The following SCFD2 variants were observed in gnomAD, a reference collection of about 807,000 sequenced individuals.
SCFD2 encodes sec1 family domain containing 2, also known as sec1 family domain-containing protein 2.
A neutral mutation model predicts 58.9 loss-of-function variants in SCFD2; 54 were observed. The ratio of observed to expected loss-of-function variants is 0.92; its 90% CI spans 0.74 to 1.15. The LOEUF (loss-of-function observed/expected upper bound fraction) is 1.15, where lower values mean the gene tolerates loss of function less well. Ranked by LOEUF, SCFD2 falls within the 50% of genes most tolerant of loss-of-function variation. SCFD2 has a pLI of 0.00. For missense variants in SCFD2, 805 were observed against 836.6 expected (o/e 0.96, Z 0.47); for synonymous variants, 321 against 335.9 (o/e 0.96, Z 0.49).
intron 4 of SCFD2, among the ~76,000 whole-genome samples, chr4:53,214,196 G>A (rs1288516098): frequency 1.3e-5 from 2 of 152,090 alleles, no homozygotes; most frequent in African/African-American, 4.8e-5. Context: ...AGGTCAAATG[G>A]TATTTCTAGT....
chr4:52,982,372 T>G (rs1169224698), intron 5 of SCFD2, among the ~76,000 whole-genome samples: 1 of 152,198 alleles, frequency 6.6e-6, no homozygotes, highest in African/African-American at 2.4e-5. Context: ...TTGATGCAGA[T>G]GTCTTGAATG....
intron 5 of SCFD2, among the ~76,000 whole-genome samples, chr4:53,052,633 A>G (rs1418622064): frequency 6.6e-6 from 1 of 152,228 alleles, no homozygotes; most frequent in African/African-American, 2.4e-5. Context: ...GCAGTCTTCA[A>G]CTTAAACCCC....
chr4:53,137,847 T>G (rs1268539796), intron 5 of SCFD2, among the ~76,000 whole-genome samples: 2 of 152,242 alleles, frequency 1.3e-5, no homozygotes, highest in African/African-American at 2.4e-5. Flanking sequence ...GTTTCCTGAT[T>G]CAGAGCCATC....
chr4:53,311,365 A>C (rs978293693), intron 3 of SCFD2, among the ~76,000 whole-genome samples: 1 of 152,004 alleles, frequency 6.6e-6, no homozygotes, highest in Non-Finnish European at 1.5e-5. Flanking sequence ...TTCTATCTTA[A>C]AAAAAATTTT....
At chr4:53,026,315 G>C (rs1722473216) in intron 5 of SCFD2, among the ~76,000 whole-genome samples, 1 of 152,154 alleles carries the variant, frequency 6.6e-6, no homozygotes, top group Admixed American at 6.5e-5. Flanking sequence ...GCTAATTAGA[G>C]GCATAACTTA....
At chr4:52,929,974 T>C (rs983866994) in intron 5 of SCFD2, among the ~76,000 whole-genome samples, 1 of 152,108 alleles carries the variant, frequency 6.6e-6, no homozygotes, top group Non-Finnish European at 1.5e-5. Flanking sequence ...TAAACCACCA[T>C]TGACATTCTT....
At chr4:53,229,627 G>A (rs28822987) in intron 4 of SCFD2, among the ~76,000 whole-genome samples, 41,685 of 152,006 alleles carry the variant, frequency 0.27, 6,303 homozygotes, top group Non-Finnish European at 0.35. Flanking sequence ...AATTCAAGAT[G>A]GATTAAAGAC....
chr4:52,966,728 A>C (rs1262892990), intron 5 of SCFD2, among the ~76,000 whole-genome samples: 1 of 152,234 alleles, frequency 6.6e-6, no homozygotes, highest in Non-Finnish European at 1.5e-5. Context: ...TCGACATCTT[A>C]CATAAGTCTG....
chr4:53,335,562 C>T (rs916253381), intron 2 of SCFD2, among the ~76,000 whole-genome samples: 2 of 152,070 alleles, frequency 1.3e-5, no homozygotes, highest in African/African-American at 4.8e-5. Context: ...TTTATTATGA[C>T]TATGTTGGAA....
chr4:52,891,347 T>C (rs1055386710), intron 7 of SCFD2, among the ~76,000 whole-genome samples: 1 of 151,986 alleles, frequency 6.6e-6, no homozygotes, highest in Non-Finnish European at 1.5e-5. Flanking sequence ...ATAAAATCAG[T>C]AAGTCAGTGG....
At chr4:53,032,794 A>T (rs1722646805) in intron 5 of SCFD2, among the ~76,000 whole-genome samples, 1 of 152,158 alleles carries the variant, frequency 6.6e-6, no homozygotes, top group African/African-American at 2.4e-5. Context: ...TATGCACCCA[A>T]TACACAAGCA....
chr4:53,240,167 C>T (rs1386962156), intron 4 of SCFD2, among the ~76,000 whole-genome samples: 1 of 152,136 alleles, frequency 6.6e-6, no homozygotes, highest in Non-Finnish European at 1.5e-5. Context: ...ACAGCAGAAC[C>T]AGAAAGATAT....
In SCFD2 at chr4:53,273,993, T is replaced by C. The variant is rs1371072461; in HGVS notation, c.1144A>G (p.Thr382Ala). ...ATATAGGACATGAGCTGTCCCGGTG[T>C]GACTCTCCCTGGAAACATAAGAATT... ...LPIKMSMGRV[T>A]PGQLMSYIQL... The change falls in exon 4 of 9, where the codon ACA becomes GCA. Residue 382 changes from threonine (T) to alanine (A), a missense_variant. By Grantham distance (58) the Thr-to-Ala change is moderately conservative. Around this residue, in one of 3 missense-constraint regions of SCFD2, gnomAD observed 633 missense variants for 646.8 expected, o/e 0.98. Transcript: ENST00000401642. 1.2e-6 allele frequency: 2 copies of C among 1,607,674 alleles called. No individual in the cohort carries two copies. The highest frequency in any genetic ancestry group is 1.7e-6 in the Non-Finnish European group (2 of 1,177,192).
chr4:52,974,590 C>T lies in SCFD2; in HGVS notation c.1562-53720G>A, dbSNP rs577414257. Among the ~76,000 whole-genome samples the T allele has an allele frequency of 9.2e-3, 1,405 of 152,298 alleles. 14 individuals are homozygous for T. The highest frequency in any genetic ancestry group is 0.032 in the African/African-American group (1,332 of 41,556). On this transcript the variant is annotated intron_variant, in intron 5 of 8. Transcript: ENST00000401642. ...AATCAATATCATGAAAATGGCCATA[C>T]TGCCCAAGGTAATTTATAGATTCAA...
intron 4 of SCFD2, among the ~76,000 whole-genome samples, chr4:53,246,151 T>C (rs1194360571): frequency 6.6e-6 from 1 of 151,894 alleles, no homozygotes; most frequent in Non-Finnish European, 1.5e-5. Context: ...AGGGGAAAGA[T>C]CTCTACAATG....
At position 52,975,862 on chromosome 4, in the gene SCFD2, C is replaced by T. The variant is rs910882543; in HGVS notation, c.1562-54992G>A. 2.0e-5 allele frequency among the ~76,000 whole-genome samples: 3 copies of T among 151,956 alleles called. No homozygotes were observed. The South Asian group carries it at 6.2e-4, about 32-fold the overall frequency. Reference sequence around the variant, plus strand: ...GCAGCCATAAAAAAGGATGAGTTCACGTTCTTTGTAGGGACACGGATGAAG... The same window carrying T: ...GCAGCCATAAAAAAGGATGAGTTCATGTTCTTTGTAGGGACACGGATGAAG... On this transcript the variant is annotated intron_variant, in intron 5 of 8. Coordinates refer to ENST00000401642, the MANE Select transcript of SCFD2 (RefSeq NM_152540.4).
At chr4:53,133,262 A>G (rs537019892) in intron 5 of SCFD2, among the ~76,000 whole-genome samples, 1 of 142,594 alleles carries the variant, frequency 7.0e-6, no homozygotes, top group Non-Finnish European at 1.5e-5. Context: ...CGGGAGGCGG[A>G]GCTTGCAGTG....
chr4:53,269,918 C>T lies in SCFD2; in HGVS notation c.1311+3908G>A, dbSNP rs1015122045. ...GTGCACACCCGTAATTCCAGCTATTCGGGAGGCTGACATGGGAAAATCACT... is the reference window on the plus strand; with the variant it reads ...GTGCACACCCGTAATTCCAGCTATTTGGGAGGCTGACATGGGAAAATCACT... On this transcript the variant is annotated intron_variant, in intron 4 of 8. Coordinates refer to ENST00000401642, the MANE Select transcript of SCFD2 (RefSeq NM_152540.4). 7.9e-5 allele frequency among the ~76,000 whole-genome samples: 12 copies of T among 152,038 alleles called. No individual in the cohort carries two copies. The East Asian group carries it at 9.6e-4, about 12-fold the overall frequency.
chr4:52,993,522 G>T (rs763449230), intron 5 of SCFD2, among the ~76,000 whole-genome samples: 2 of 152,110 alleles, frequency 1.3e-5, no homozygotes, highest in African/African-American at 4.8e-5. Context: ...AAGCAGCTCC[G>T]CATTTTAGTC....
Sources: gnomAD v4.1 joint callset for allele counts (sites outside exome capture counted in the v4.1 genomes callset) on GRCh38, gnomAD v4.1.1 for gene constraint, gnomAD v4.1.1 regional missense constraint, MANE v1.5 for transcripts, NCBI Gene and HGNC (gene_info 2026-07-23, HGNC 2026-07-21) for gene names.